Variants in SLC22A15 observed in about 807,000 individuals in gnomAD.
SLC22A15 encodes the protein solute carrier family 22 member 15, also known as flipt 1.
SLC22A15 carries 45 observed loss-of-function variants against 62.7 expected under a neutral mutation model. That is an observed-to-expected ratio of 0.72 (90% CI 0.56 to 0.92). The LOEUF (loss-of-function observed/expected upper bound fraction) is 0.92. Among genes scored for constraint, SLC22A15 ranks in the 40% least tolerant of loss-of-function variants. SLC22A15 has a pLI of 0.00. For missense variants in SLC22A15, 622 were observed against 665.6 expected, an observed-to-expected ratio of 0.93 and a Z score of 0.72; for synonymous variants, 264 against 267.0, an observed-to-expected ratio of 0.99 and a Z score of 0.11.
In SLC22A15 at chr1:115,992,167, G is replaced by C. The variant is rs747637098; in HGVS notation, c.224G>C (p.Trp75Ser). The C allele has an allele frequency of 6.2e-7, 1 of 1,612,738 alleles. No homozygotes were observed. Among genetic ancestry groups the C allele is most frequent in the Non-Finnish European group, 8.5e-7 (1 of 1,179,382 alleles). ...SAGEDQAFGDWLLTANGSEIH... is the reference protein window; with the variant it reads ...SAGEDQAFGDSLLTANGSEIH... ...GGTGAAGACCAGGCCTTTGGGGACTGGCTCCTGACAGCCAACGGCAGTGAG... is the reference window on the plus strand; with the variant it reads ...GGTGAAGACCAGGCCTTTGGGGACTCGCTCCTGACAGCCAACGGCAGTGAG... The change falls in exon 2 of 12, where the codon TGG becomes TCG. Residue 75 changes from tryptophan to serine, a missense_variant. Physicochemically the swap from Trp to Ser is radical, Grantham distance 177 (BLOSUM62 -3). Transcript: ENST00000369503.
At chr1:116,033,429 A>G (rs1331077064) in intron 6 of SLC22A15, among the ~76,000 whole-genome samples, 3 of 152,122 alleles carry the variant, frequency 2.0e-5, no homozygotes, top group African/African-American at 2.4e-5. Flanking sequence ...TGGGCCTTCC[A>G]TGCTTCATGC....
intron 5 of SLC22A15, among the ~76,000 whole-genome samples, chr1:116,029,031 T>C (rs552622028): frequency 6.6e-6 from 1 of 152,210 alleles, no homozygotes; most frequent in African/African-American, 2.4e-5. Context: ...CTTTCTAAAC[T>C]GAGAGCTCTC....
chr1:116,061,685 TAA>T lies in SLC22A15; in HGVS notation c.1172-1066_1172-1065del, dbSNP rs112599796. Among the ~76,000 whole-genome samples, 86 of 144,526 alleles carry T rather than the reference TAA, an allele frequency of 6.0e-4. 1 individual carries two copies. The highest frequency in any genetic ancestry group is 1.6e-3 in the East Asian group (8 of 4,972). The allele number at this position is 144,526 out of a possible 152,430, so 94.8% of individuals were successfully genotyped here. On this transcript the variant is annotated intron_variant, in intron 8 of 11. Coordinates refer to ENST00000369503, the MANE Select transcript of SLC22A15 (RefSeq NM_018420.3). ...TTGAAGGGGAGAGGTTAAACTTTTC[TAA>T]AAAAAAAAAATCATTAAATTGTAGA...
chr1:116,024,438 G>A (rs1321682707), intron 4 of SLC22A15, among the ~76,000 whole-genome samples: 1 of 152,148 alleles, frequency 6.6e-6, no homozygotes, highest in Non-Finnish European at 1.5e-5. Context: ...TTAAAAATAA[G>A]CAGAGAATAA....
intron 8 of SLC22A15, among the ~76,000 whole-genome samples, chr1:116,061,656 A>G (rs1442498996): frequency 6.6e-6 from 1 of 150,788 alleles, no homozygotes; most frequent in Non-Finnish European, 1.5e-5. Flanking sequence ...GAGGCAAATG[A>G]TTATTGAAGG....
intron 2 of SLC22A15, among the ~76,000 whole-genome samples, chr1:115,992,842 T>A (rs892398318): frequency 1.3e-5 from 2 of 152,028 alleles, no homozygotes; most frequent in Non-Finnish European, 2.9e-5. Flanking sequence ...ACCAGGCTGC[T>A]CTTGGACTCC....
At chr1:116,001,223 A>AT (rs921176866) in intron 2 of SLC22A15, among the ~76,000 whole-genome samples, 19 of 150,818 alleles carry the variant, frequency 1.3e-4, no homozygotes, top group East Asian at 7.9e-4. Context: ...TTTATATGTA[A>AT]TTTTTTTTTC....
chr1:116,056,568 A>G (rs571573386), intron 8 of SLC22A15, among the ~76,000 whole-genome samples: 3,569 of 151,752 alleles, frequency 0.024, 135 homozygotes, highest in African/African-American at 0.083. Context: ...TAAAGTTCAT[A>G]TGGAACCAAA....
chr1:115,997,434 C>T (rs573184290), intron 2 of SLC22A15, among the ~76,000 whole-genome samples: 3 of 152,266 alleles, frequency 2.0e-5, no homozygotes, highest in Admixed American at 6.5e-5. Flanking sequence ...AATCCATTAA[C>T]ATGAAATATC....
At chr1:116,053,073 T>C (rs1356865766) in intron 8 of SLC22A15, among the ~76,000 whole-genome samples, 1 of 151,976 alleles carries the variant, frequency 6.6e-6, no homozygotes, top group African/African-American at 2.4e-5. Flanking sequence ...CTTTGATGAG[T>C]TGAGAGAAGG....
chr1:116,035,841 T>C (rs909964326), intron 7 of SLC22A15, among the ~76,000 whole-genome samples: 2 of 152,212 alleles, frequency 1.3e-5, no homozygotes, highest in Non-Finnish European at 2.9e-5. Context: ...AGTTTTGAGA[T>C]AGATTTTAAA....
chr1:115,992,090 C>G lies in SLC22A15; in HGVS notation c.147C>G (p.His49Gln). ...IALVGATPSY[H>Q]WDLAELLPNQ... ...TGGTTGGGGCCACGCCATCCTACCA[C>G]TGGGACCTGGCAGAGCTCCTGCCAA... The change falls in exon 2 of 12, where the codon CAC (histidine) becomes CAG (glutamine). Residue 49 changes from histidine (H) to glutamine (Q), a missense_variant. Coordinates refer to ENST00000369503, the MANE Select transcript of SLC22A15 (RefSeq NM_018420.3). The G allele has an allele frequency of 1.2e-6, 2 of 1,613,968 alleles. No homozygotes were observed. Among genetic ancestry groups the G allele is most frequent in the Non-Finnish European group, 8.5e-7 (1 of 1,179,850 alleles).
At chr1:116,032,758 G>T (rs1394045558) in intron 6 of SLC22A15, 1 of 467,408 alleles carries the variant, frequency 2.1e-6, no homozygotes, top group East Asian at 1.5e-4. Flanking sequence ...CATAGGAGCT[G>T]CTAATTTGAG....
intron 5 of SLC22A15, among the ~76,000 whole-genome samples, chr1:116,030,095 G>T (rs557890099): frequency 1.3e-5 from 2 of 152,306 alleles, no homozygotes; most frequent in South Asian, 4.1e-4. Context: ...CAATGAAGAA[G>T]TAAATGGAAG....
chr1:116,012,499 G>A (rs980732675), intron 2 of SLC22A15, among the ~76,000 whole-genome samples: 11 of 152,164 alleles, frequency 7.2e-5, no homozygotes, highest in African/African-American at 2.4e-4. Flanking sequence ...AGGGCTATTC[G>A]GTGGAGGAAG....
At chr1:116,033,583 G>GTGTGTGTGTGTGTGTA (rs1553223951) in intron 6 of SLC22A15, among the ~76,000 whole-genome samples, 36 of 145,734 alleles carry the variant, frequency 2.5e-4, no homozygotes, top group Non-Finnish European at 4.3e-4. Context: ...GTGTGTGTGT[G>GTGTGTGTGTGTGTGTA]TGTGTATGTG....
Position 116,019,697 on chromosome 1 carries a change from A to T in SLC22A15, c.416A>T (p.Lys139Ile). ...FGQLSDRFGR[K>I]KVYLTGFALD... ...CAGCTTTCAGATCGCTTCGGAAGGA[A>T]AAAAGTCTATCTCACAGGTAATCTA... The change falls in exon 3 of 12, where the codon AAA becomes ATA. Residue 139 changes from lysine (K) to isoleucine (I), a missense_variant. Transcript: ENST00000369503. The T allele has an allele frequency of 6.2e-7, 1 of 1,612,968 alleles. No homozygotes were observed. Among genetic ancestry groups the T allele is most frequent in the Non-Finnish European group, 8.5e-7 (1 of 1,179,646 alleles).
intron 2 of SLC22A15, among the ~76,000 whole-genome samples, chr1:116,016,903 C>T (rs1432536656): frequency 3.3e-5 from 5 of 152,204 alleles, no homozygotes; most frequent in Admixed American, 3.3e-4. Context: ...ATTACTGTAA[C>T]TCCCCTGCTT....
intron 2 of SLC22A15, among the ~76,000 whole-genome samples, chr1:116,002,622 C>A (rs985682854): frequency 1.3e-5 from 2 of 151,664 alleles, no homozygotes; most frequent in African/African-American, 4.9e-5. Context: ...TTGCCCATGG[C>A]CAACACTGCC....
Sources: gnomAD v4.1 joint callset for allele counts (sites outside exome capture counted in the v4.1 genomes callset) on GRCh38, gnomAD v4.1.1 for gene constraint, MANE v1.5 for transcripts, NCBI Gene and HGNC (gene_info 2026-07-23, HGNC 2026-07-21) for gene names.